Variants in MYO3B observed in about 807,000 individuals in gnomAD.
The protein encoded by MYO3B is myosin-IIIb.
MYO3B carries 156 observed loss-of-function variants against 174.6 expected under a neutral mutation model. The ratio of observed to expected loss-of-function variants is 0.89; its 90% CI spans 0.78 to 1.02. The LOEUF (loss-of-function observed/expected upper bound fraction) is 1.02. Among genes scored for constraint, MYO3B ranks in the 50% least tolerant of loss-of-function variants. The pLI, the probability that MYO3B is intolerant of heterozygous loss-of-function variation, is 0.00. For synonymous variants in MYO3B, 563 were observed against 569.1 expected (o/e 0.99, Z 0.15); for missense variants, 1,632 against 1,639.4 (o/e 1.00, Z 0.08).
intron 25 of MYO3B, among the ~76,000 whole-genome samples, chr2:170,486,123 G>T (rs562839871): frequency 6.6e-6 from 1 of 152,230 alleles, no homozygotes; most frequent in Admixed American, 6.5e-5. Flanking sequence ...ATGTTGGGGA[G>T]ACTATCCTGT....
intron 25 of MYO3B, among the ~76,000 whole-genome samples, chr2:170,485,103 G>A (rs1223292551): frequency 6.6e-6 from 1 of 151,952 alleles, no homozygotes; most frequent in Non-Finnish European, 1.5e-5. Context: ...CCATATGACT[G>A]GGGGCGTTTC....
In MYO3B at chr2:170,483,375, C is replaced by CTTTTTTTTTTTTTT. The variant is rs61527598; in HGVS notation, c.3015-15201_3015-15188dup. 7.9e-4 allele frequency among the ~76,000 whole-genome samples: 49 copies of CTTTTTTTTTTTTTT among 62,094 alleles called. 4 individuals are homozygous for CTTTTTTTTTTTTTT. The highest frequency in any genetic ancestry group is 1.0e-3 in the Non-Finnish European group (36 of 34,698). The allele number at this position is 62,094 out of a possible 152,430, so 40.7% of individuals were successfully genotyped here. On this transcript the variant is annotated intron_variant, in intron 25 of 34. Coordinates refer to ENST00000408978, the MANE Select transcript of MYO3B (RefSeq NM_138995.5). ...AATTAAAACTCCTTGCTTGGGGATT[C>CTTTTTTTTTTTTTT]TTTTTTTTTTTTTTTTTTTTTTTTT...
intron 7 of MYO3B, among the ~76,000 whole-genome samples, chr2:170,291,722 A>G (rs200012260): frequency 1.3e-5 from 1 of 78,058 alleles, no homozygotes; most frequent in Non-Finnish European, 2.9e-5. Context: ...GGTTTTTTTT[A>G]TTTTCTTAAA....
chr2:170,653,076 CT>C lies in MYO3B; in HGVS notation c.3988del (p.Ser1330LeufsTer102). ...PEENNSAHPS[F>X]FSSSSKGDSF... ...AGGAGAACAACTCAGCCCACCCTTC[CT>C]TTTTTTCTTCATCCTCAAAAGGAGA... On this transcript the variant is annotated frameshift_variant, in exon 35 of 35. Coordinates refer to ENST00000408978, the MANE Select transcript of MYO3B (RefSeq NM_138995.5). LOFTEE classifies it high-confidence loss of function. The C allele has an allele frequency of 1.9e-6, 3 of 1,614,140 alleles. No individual in the cohort carries two copies. Among genetic ancestry groups the C allele is most frequent in the Non-Finnish European group, 2.5e-6 (3 of 1,180,022 alleles).
Position 170,399,255 on chromosome 2 carries a change from AAAAAAAAAAAAGAGAG to A in MYO3B, c.1792-931_1792-916del, listed in dbSNP as rs1228480265. On this transcript the variant is annotated intron_variant, in intron 16 of 34. Transcript: ENST00000408978. ...GAAATTCCGTCTCAAAAAAAAAAAA[AAAAAAAAAAAAGAGAG>A]AGACCAGTCTGGCCAACAGGGCAAA... Among the ~76,000 whole-genome samples the A allele has an allele frequency of 1.6e-5, 2 of 124,096 alleles. 1 individual carries two copies. Among genetic ancestry groups the A allele is most frequent in the Non-Finnish European group, 3.5e-5 (2 of 57,602 alleles). 81.4% of individuals were successfully genotyped at this position (124,096 alleles called of 152,430 possible).
chr2:170,348,458 G>A (rs1201558657), intron 8 of MYO3B: 2 of 152,126 alleles, frequency 1.3e-5, no homozygotes. Flanking sequence ...GGCTGGTCTC[G>A]AACTGCTGAC....
chr2:170,228,779 A>G (rs1231226199), intron 6 of MYO3B, among the ~76,000 whole-genome samples: 1 of 152,156 alleles, frequency 6.6e-6, no homozygotes, highest in Non-Finnish European at 1.5e-5. Context: ...GACCCATAGA[A>G]CATCACATTA....
intron 32 of MYO3B, among the ~76,000 whole-genome samples, chr2:170,580,711 C>T (rs1693079310): frequency 1.8e-5 from 1 of 55,392 alleles, no homozygotes; most frequent in Non-Finnish European, 4.0e-5. Flanking sequence ...CCCACAAAAC[C>T]TTATATATGT....
At chr2:170,450,870 T>C (rs951849769) in intron 23 of MYO3B, among the ~76,000 whole-genome samples, 4 of 152,262 alleles carry the variant, frequency 2.6e-5, no homozygotes, top group Admixed American at 2.0e-4. Flanking sequence ...TCCACATCAG[T>C]GTGCTTTTAT....
Position 170,527,153 on chromosome 2 carries a change from C to T in MYO3B, c.3575+7613C>T, listed in dbSNP as rs1216454341. On this transcript the variant is annotated intron_variant, in intron 30 of 34. Coordinates refer to ENST00000408978, the MANE Select transcript of MYO3B (RefSeq NM_138995.5). ...AGAAGAGCATCCCAGGCAGGAGAAA[C>T]AAGAGTGGGCCATAGCCAGAGGCAG... Among the ~76,000 whole-genome samples, 4 of 152,078 alleles carry T rather than the reference C, an allele frequency of 2.6e-5. No individual in the cohort carries two copies. In the East Asian group the frequency reaches 7.7e-4, roughly 29 times the overall value.
chr2:170,480,768 T>TGGGGAAAAA (rs1397011189), intron 25 of MYO3B, among the ~76,000 whole-genome samples: 1 of 152,184 alleles, frequency 6.6e-6, no homozygotes. Flanking sequence ...TTGCTTGTGG[T>TGGGGAAAAA]GGGGAAAAAC....
intron 32 of MYO3B, among the ~76,000 whole-genome samples, chr2:170,592,749 A>T (rs1192468555): frequency 2.6e-5 from 4 of 152,166 alleles, no homozygotes; most frequent in Non-Finnish European, 5.9e-5. Flanking sequence ...GTAGATGCTC[A>T]ATAAATATTT....
chr2:170,375,496 G>T (rs1227261905), intron 9 of MYO3B, among the ~76,000 whole-genome samples: 1 of 136,034 alleles, frequency 7.4e-6, no homozygotes, highest in Non-Finnish European at 1.6e-5. Context: ...CTTGGTAGAA[G>T]AATTAAGTTG....
chr2:170,413,845 C>T (rs985195673), intron 22 of MYO3B, among the ~76,000 whole-genome samples: 1 of 151,926 alleles, frequency 6.6e-6, no homozygotes, highest in African/African-American at 2.4e-5. Flanking sequence ...CAAGACCATC[C>T]TAGCTAACAT....
intron 25 of MYO3B, among the ~76,000 whole-genome samples, chr2:170,479,399 A>G (rs1329446795): frequency 2.0e-5 from 3 of 146,708 alleles, no homozygotes; most frequent in African/African-American, 4.9e-5. Context: ...ATTATATTAT[A>G]TATCTATTAT....
chr2:170,627,131 A>G (rs963620848), intron 32 of MYO3B, among the ~76,000 whole-genome samples: 3 of 152,136 alleles, frequency 2.0e-5, no homozygotes, highest in Admixed American at 6.5e-5. Context: ...CTCCTGGGTA[A>G]TATCCTGAAG....
chr2:170,654,612 C>A lies in MYO3B; in HGVS notation c.*1491C>A, dbSNP rs1218398403. 7.2e-6 allele frequency: 1 copy of A among 138,850 alleles called. No individual in the cohort carries two copies. Among genetic ancestry groups the A allele is most frequent in the Non-Finnish European group, 1.5e-5 (1 of 66,256 alleles). The allele number at this position is 138,850 out of a possible 1,614,324, so 8.6% of individuals were successfully genotyped here. On this transcript the variant is annotated 3_prime_UTR_variant, in exon 35 of 35. Transcript: ENST00000408978. ...GCAGTCAGCTGAGAGCGCACCACTGCACTCCAGCCTGGGCGACAGGGCAAG... is the reference window on the plus strand; with the variant it reads ...GCAGTCAGCTGAGAGCGCACCACTGAACTCCAGCCTGGGCGACAGGGCAAG...
chr2:170,616,529 T>C (rs1483766967), intron 32 of MYO3B, among the ~76,000 whole-genome samples: 1 of 152,220 alleles, frequency 6.6e-6, no homozygotes, highest in African/African-American at 2.4e-5. Context: ...TTTTATTCCA[T>C]AGCAACAGTT....
In MYO3B at chr2:170,637,812, G is replaced by GT. The variant is rs1230872258; in HGVS notation, c.3734-13815dup. ...AGTTGGACCAAATTGATTTTATAAT[G>GT]TAATGTACTTAAGAAATTTGTTCCA... On this transcript the variant is annotated intron_variant, in intron 32 of 34. Transcript: ENST00000408978. 3.3e-5 allele frequency among the ~76,000 whole-genome samples: 5 copies of GT among 152,220 alleles called. No individual in the cohort carries two copies. The South Asian group carries it at 1.0e-3, about 32-fold the overall frequency.
Sources: allele counts gnomAD v4.1 joint callset (sites outside exome capture counted in the v4.1 genomes callset), GRCh38; gene constraint gnomAD v4.1.1; transcripts MANE v1.5; gene names NCBI Gene and HGNC (gene_info 2026-07-23, HGNC 2026-07-21).